Variants in IRGM observed in about 807,000 individuals in gnomAD.
The protein encoded by IRGM is immunity-related GTPase family M protein.
For missense variants in IRGM, 288 were observed against 219.9 expected (o/e 1.31, Z -1.96); for synonymous variants, 98 against 80.6 (o/e 1.22, Z -1.16).
At chr5:150,878,986 G>A (rs1271092767) in intron 2 of IRGM, among the ~76,000 whole-genome samples, 1 of 151,968 alleles carries the variant, frequency 6.6e-6, no homozygotes, top group Non-Finnish European at 1.5e-5. Context: ...CAATGACTTG[G>A]AATCTTTAAA....
Position 150,848,351 on chromosome 5 carries a change from C to T in IRGM, c.228C>T (p.Ala76=). Residue 76 remains alanine (A), a synonymous_variant, in exon 2 of 2, where the codon GCC becomes GCT. Transcript: ENST00000522154. ...TGGTAAAAGCTACCCAAAGATGTGCCTCCTATTTCTCTTCCCACTTTTCAA... is the reference window on the plus strand; with the variant it reads ...TGGTAAAAGCTACCCAAAGATGTGCTTCCTATTTCTCTTCCCACTTTTCAA... The part of the protein sequence containing the change: ...TELVKATQRC[A]SYFSSHFSNV... The T allele has an allele frequency of 1.3e-6, 2 of 1,551,854 alleles. No homozygotes were observed. Among genetic ancestry groups the T allele is most frequent in the Non-Finnish European group, 1.7e-6 (2 of 1,146,988 alleles).
At position 150,846,738 on chromosome 5, in the gene IRGM, C is replaced by G. The variant is rs1489339278; in HGVS notation, c.-898C>G. 1.3e-5 allele frequency: 2 copies of G among 152,766 alleles called. No homozygotes were observed. Among genetic ancestry groups the G allele is most frequent in the African/African-American group, 4.8e-5 (2 of 41,436 alleles). 9.5% of individuals were successfully genotyped at this position (152,766 alleles called of 1,614,324 possible). A position where few individuals can be genotyped will look rare whatever the true frequency, so the allele number is the denominator to read the frequency against. On this transcript the variant is annotated 5_prime_UTR_variant, in exon 1 of 2. Coordinates refer to ENST00000522154, the MANE Select transcript of IRGM (RefSeq NM_001145805.2). ...ACTCGCCGCCTGAAGAGCTGTAACT[C>G]TCACTTCGAAGGTCTGCAGCTTCGC...
At position 150,847,809 on chromosome 5, in the gene IRGM, T is replaced by TTTTGTTTGTTTGTTTGTTTGTTTG. The variant is rs60800371; in HGVS notation, c.-304_-303insGTTTGTTTGTTTGTTTGTTTGTTT. The TTTTGTTTGTTTGTTTGTTTGTTTG allele has an allele frequency of 3.6e-6, 1 of 276,376 alleles. No homozygotes were observed. Among genetic ancestry groups the TTTTGTTTGTTTGTTTGTTTGTTTG allele is most frequent in the Admixed American group, 4.9e-5 (1 of 20,230 alleles). The allele number at this position is 276,376 out of a possible 1,614,324, so 17.1% of individuals were successfully genotyped here. A position where few individuals can be genotyped will look rare whatever the true frequency, so the allele number is the denominator to read the frequency against. On this transcript the variant is annotated 5_prime_UTR_variant, in exon 2 of 2. Coordinates refer to ENST00000522154, the MANE Select transcript of IRGM (RefSeq NM_001145805.2). ...TTTTTGCCACACCATAAGCATTGGG[T>TTTTGTTTGTTTGTTTGTTTGTTTG]TTTGTTTGTTTTGAGATGGAGTCTT...
chr5:150,847,265 G>A (rs1459972567), intron 1 of IRGM, 45 bp downstream of exon 1: 2 of 152,536 alleles, frequency 1.3e-5, no homozygotes, highest in Middle Eastern at 3.4e-3. Flanking sequence ...TAAGCAATGG[G>A]AATTGGATGT....
At chr5:150,858,228 ATAGT>A (rs1754085999) in intron 1 of IRGM, among the ~76,000 whole-genome samples, 1 of 152,022 alleles carries the variant, frequency 6.6e-6, no homozygotes, top group Non-Finnish European at 1.5e-5. Flanking sequence ...CAAAGATCAG[ATAGT>A]TGTAGATATG....
intron 1 of IRGM, among the ~76,000 whole-genome samples, chr5:150,856,961 A>G (rs930251973): frequency 6.6e-6 from 1 of 150,648 alleles, no homozygotes; most frequent in Non-Finnish European, 1.5e-5. Flanking sequence ...TTTAAGGTTT[A>G]GCGTACATGT....
chr5:150,861,370 C>A (rs1013300133), intron 1 of IRGM, among the ~76,000 whole-genome samples: 1 of 152,116 alleles, frequency 6.6e-6, no homozygotes, highest in Non-Finnish European at 1.5e-5. Context: ...AAATTAGAAG[C>A]TATCAGGTCT....
chr5:150,861,029 C>G (rs1053318510), intron 1 of IRGM, among the ~76,000 whole-genome samples: 13 of 152,150 alleles, frequency 8.5e-5, no homozygotes, highest in African/African-American at 3.1e-4. Context: ...CAATCAGTAA[C>G]AAGTATTTAT....
intron 1 of IRGM, among the ~76,000 whole-genome samples, chr5:150,857,561 C>T (rs1415614001): frequency 6.6e-6 from 1 of 151,326 alleles, no homozygotes; most frequent in Non-Finnish European, 1.5e-5. Flanking sequence ...TAAAAGTGTT[C>T]CTATTTCTCC....
At chr5:150,897,691 G>T in intron 3 of IRGM, 1 of 213,348 alleles carries the variant, frequency 4.7e-6, no homozygotes, top group South Asian at 1.5e-4. Context: ...TCTCAAATAC[G>T]CTCACATCTC....
At chr5:150,897,064 G>C in intron 3 of IRGM, 1 of 1,003,762 alleles carries the variant, frequency 1.0e-6, no homozygotes, top group Non-Finnish European at 1.4e-6. Flanking sequence ...CAACATAGTA[G>C]ATGAACTCAC....
At chr5:150,855,351 C>A (rs1177072399) in intron 1 of IRGM, among the ~76,000 whole-genome samples, 1 of 151,946 alleles carries the variant, frequency 6.6e-6, no homozygotes, top group Non-Finnish European at 1.5e-5. Context: ...TCATTTTTTT[C>A]TTTATCCTTA....
intron 1 of IRGM, among the ~76,000 whole-genome samples, chr5:150,865,404 TAA>T (rs1249088982): frequency 6.8e-6 from 1 of 147,760 alleles, no homozygotes; most frequent in Non-Finnish European, 1.5e-5. Flanking sequence ...GTTAATAGAC[TAA>T]ATATTATGTA....
At chr5:150,901,687 T>C (rs2113030972), downstream of IRGM, among the ~76,000 whole-genome samples, 1 of 152,208 alleles carries the variant, frequency 6.6e-6, no homozygotes, top group Admixed American at 6.5e-5. Flanking sequence ...GTACAAACCA[T>C]GCCCCAGTTA....
Position 150,848,175 on chromosome 5 carries a change from G to T in IRGM, c.52G>T (p.Val18Leu). 1 of 1,551,690 alleles carries T rather than the reference G, an allele frequency of 6.4e-7. No homozygotes were observed. The highest frequency in any genetic ancestry group is 2.4e-5 in the East Asian group (1 of 41,048). ...KASADGNLPE[V>L]ISNIKETLKI... is the part of the protein sequence containing the mutation. The stretch of plus-strand genomic sequence containing the variant: ...CTCAGCAGATGGGAACTTGCCAGAG[G>T]TGATCTCTAACATCAAGGAGACTCT... The change falls in exon 2 of 2, where the codon GTG becomes TTG. Residue 18 changes from valine (V) to leucine (L), a missense_variant. Val to Leu is a conservative substitution (Grantham distance 32). Coordinates refer to ENST00000522154, the MANE Select transcript of IRGM (RefSeq NM_001145805.2).
chr5:150,890,627 G>A (rs1209480455), intron 3 of IRGM, among the ~76,000 whole-genome samples: 2 of 151,688 alleles, frequency 1.3e-5, no homozygotes, highest in Admixed American at 6.6e-5. Flanking sequence ...ACTACTTTAC[G>A]GACATTTCAC....
intron 1 of IRGM, among the ~76,000 whole-genome samples, chr5:150,874,201 C>A (rs892309809): frequency 6.6e-6 from 1 of 152,220 alleles, no homozygotes; most frequent in Non-Finnish European, 1.5e-5. Flanking sequence ...TGGGGTATAT[C>A]AACTCTCCAG....
At chr5:150,858,832 A>T (rs1233122863) in intron 1 of IRGM, among the ~76,000 whole-genome samples, 1 of 152,208 alleles carries the variant, frequency 6.6e-6, no homozygotes, top group African/African-American at 2.4e-5. Flanking sequence ...TTGGGCTGAG[A>T]TGATGGGGTT....
At position 150,848,195 on chromosome 5, in the gene IRGM, G is replaced by A. The variant is rs542793868; in HGVS notation, c.72G>A (p.Glu24=). ...CAGAGGTGATCTCTAACATCAAGGA[G>A]ACTCTGAAGATAGTGTCCAGGACAC... ...NLPEVISNIK[E]TLKIVSRTPV... is the part of the protein sequence containing the mutation. Residue 24 remains glutamate (E), a synonymous_variant, in exon 2 of 2, where the codon GAG becomes GAA. Coordinates refer to ENST00000522154, the MANE Select transcript of IRGM (RefSeq NM_001145805.2). The A allele has an allele frequency of 1.2e-5, 19 of 1,551,710 alleles. No homozygotes were observed. In the South Asian group the frequency reaches 2.0e-4, roughly 17 times the overall value.
Sources: gnomAD v4.1 joint callset for allele counts (sites outside exome capture counted in the v4.1 genomes callset) on GRCh38, gnomAD v4.1.1 for gene constraint, MANE v1.5 for transcripts, NCBI Gene and HGNC (gene_info 2026-07-23, HGNC 2026-07-21) for gene names.